Variants in KPNA1 observed in about 807,000 individuals in gnomAD.
The protein encoded by KPNA1 is karyopherin subunit alpha 1, also known as importin subunit alpha-5.
A neutral mutation model predicts 70.5 loss-of-function variants in KPNA1; 10 were observed. That is an observed-to-expected ratio of 0.14 (90% CI 0.09 to 0.24). The LOEUF is 0.24. KPNA1 is among the 10% of genes least tolerant of loss of function. KPNA1 has a pLI of 1.00. For missense variants in KPNA1, 397 were observed against 637.9 expected (o/e 0.62, Z 4.07); for synonymous variants, 192 against 221.9 (o/e 0.87, Z 1.20).
intron 12 of KPNA1, among the ~76,000 whole-genome samples, chr3:122,429,135 C>A (rs1040892814): frequency 6.6e-6 from 1 of 152,092 alleles, no homozygotes; most frequent in Non-Finnish European, 1.5e-5. Context: ...TTAACAAAAT[C>A]TAATACCTAT....
intron 3 of KPNA1, among the ~76,000 whole-genome samples, chr3:122,466,328 T>A (rs2076379937): frequency 6.6e-6 from 1 of 152,108 alleles, no homozygotes; most frequent in Non-Finnish European, 1.5e-5. Flanking sequence ...GTAATACTAG[T>A]TGCCAATGGA....
chr3:122,499,441 A>AT (rs56118558), intron 1 of KPNA1, among the ~76,000 whole-genome samples: 19 of 150,068 alleles, frequency 1.3e-4, no homozygotes, highest in Admixed American at 4.7e-4. Flanking sequence ...TCACAATGTG[A>AT]TTTTTTTTTC....
intron 11 of KPNA1, 117 bp downstream of exon 11, chr3:122,437,053 T>C: frequency 2.0e-6 from 2 of 992,796 alleles, no homozygotes. Context: ...GTGCTGGGAT[T>C]ACAGGCAGGA....
intron 1 of KPNA1, among the ~76,000 whole-genome samples, chr3:122,510,701 T>C (rs1206449064): frequency 5.9e-5 from 9 of 152,158 alleles, no homozygotes; most frequent in African/African-American, 2.2e-4. Flanking sequence ...TGCTATATCA[T>C]GATATAGCAA....
chr3:122,464,980 C>G (rs2076363997), intron 3 of KPNA1, among the ~76,000 whole-genome samples: 1 of 152,146 alleles, frequency 6.6e-6, no homozygotes. Flanking sequence ...ATCAAGGTTT[C>G]TATATGATTT....
In KPNA1 at chr3:122,458,672, AAG is replaced by A. The variant is rs138108015; in HGVS notation, c.432+2550_432+2551del. ...ATTATTCAAGTTCTAGTAAGCAGGT[AAG>A]AGTATCAGGGATAGCTTACATCTGT... is the stretch of plus-strand genomic sequence containing the variant. On this transcript the variant is annotated intron_variant, in intron 5 of 13. Coordinates refer to ENST00000344337, the MANE Select transcript of KPNA1 (RefSeq NM_002264.4). Among the ~76,000 whole-genome samples, 701 of 152,312 alleles carry A rather than the reference AAG, an allele frequency of 4.6e-3. 21 individuals are homozygous for A. The East Asian group carries it at 0.079, about 17-fold the overall frequency.
At chr3:122,489,335 G>A (rs927341909) in intron 2 of KPNA1, among the ~76,000 whole-genome samples, 1 of 151,250 alleles carries the variant, frequency 6.6e-6, no homozygotes, top group Admixed American at 6.6e-5. Flanking sequence ...TGTCACTCAG[G>A]CTGGAGCACA....
chr3:122,512,670 A>G (rs58967267), intron 1 of KPNA1, among the ~76,000 whole-genome samples: 2 of 152,372 alleles, frequency 1.3e-5, no homozygotes, highest in African/African-American at 4.8e-5. Flanking sequence ...GGCTGCAGTA[A>G]GCCGAGATCG....
intron 1 of KPNA1, among the ~76,000 whole-genome samples, chr3:122,514,214 C>A (rs180837020): frequency 6.6e-6 from 1 of 152,086 alleles, no homozygotes; most frequent in Non-Finnish European, 1.5e-5. Flanking sequence ...GCCGTCTCCA[C>A]CCCCCGCTTC....
Position 122,496,485 on chromosome 3 carries a change from C to T in KPNA1, c.81G>A (p.Arg27=). ...GTAACTGCAGTCCTTCTTCCTCCCT[C>T]CTCCTGCGCATCTCATCGGGATTCA... is the stretch of plus-strand genomic sequence containing the variant. ...KSLNPDEMRR[R]REEEGLQLRK... The change falls in exon 2 of 14, where the codon AGG becomes AGA. Residue 27 remains arginine, a synonymous_variant. Coordinates refer to ENST00000344337, the MANE Select transcript of KPNA1 (RefSeq NM_002264.4). 1 of 1,613,972 alleles carries T rather than the reference C, an allele frequency of 6.2e-7. No individual in the cohort carries two copies. Among genetic ancestry groups the T allele is most frequent in the East Asian group, 2.2e-5 (1 of 44,884 alleles).
rs1560010433 is a variant in KPNA1, at chr3:122,425,038, A to G, written c.*1947T>C. ...GCACAAAGCAGCACTAGAAAAAGTA[A>G]CAGTTATAGATGGGAGTTGACTAGT... is the stretch of plus-strand genomic sequence containing the variant. On this transcript the variant is annotated 3_prime_UTR_variant, in exon 14 of 14. Coordinates refer to ENST00000344337, the MANE Select transcript of KPNA1 (RefSeq NM_002264.4). 1 of 152,624 alleles carries G rather than the reference A, an allele frequency of 6.6e-6. No homozygotes were observed. The highest frequency in any genetic ancestry group is 1.9e-4 in the East Asian group (1 of 5,200). The allele number at this position is 152,624 out of a possible 1,614,324, so 9.5% of individuals were successfully genotyped here. A position where few individuals can be genotyped will look rare whatever the true frequency, so the allele number is the denominator to read the frequency against.
At chr3:122,457,602 C>A (rs1476679564) in intron 5 of KPNA1, 17 of 810,830 alleles carry the variant, frequency 2.1e-5, no homozygotes, top group Non-Finnish European at 2.5e-5. Context: ...CTAAATAAGG[C>A]TACACCTGAA....
At chr3:122,446,567 G>C (rs2076141297) in intron 9 of KPNA1, among the ~76,000 whole-genome samples, 1 of 152,204 alleles carries the variant, frequency 6.6e-6, no homozygotes, top group Admixed American at 6.5e-5. Flanking sequence ...ACAAGAGAAA[G>C]CAGGAAAGAT....
At chr3:122,484,427 G>A (rs902676045) in intron 2 of KPNA1, among the ~76,000 whole-genome samples, 5 of 152,224 alleles carry the variant, frequency 3.3e-5, no homozygotes, top group Admixed American at 6.5e-5. Flanking sequence ...TTGGGAGGCC[G>A]AGGCAGGCAG....
At chr3:122,502,040 G>A (rs190300651) in intron 1 of KPNA1, among the ~76,000 whole-genome samples, 2 of 152,310 alleles carry the variant, frequency 1.3e-5, no homozygotes, top group East Asian at 3.9e-4. Context: ...GCAAACCTGG[G>A]TTGAGAATCA....
rs1477931847 is a variant in KPNA1, at chr3:122,514,908, G to C, written c.-157C>G. 1 of 152,280 alleles carries C rather than the reference G, an allele frequency of 6.6e-6. No homozygotes were observed. The highest frequency in any genetic ancestry group is 1.9e-4 in the East Asian group (1 of 5,196). The allele number at this position is 152,280 out of a possible 1,614,324, so 9.4% of individuals were successfully genotyped here. A position where few individuals can be genotyped will look rare whatever the true frequency, so the allele number is the denominator to read the frequency against. The stretch of plus-strand genomic sequence containing the variant: ...GCTCTCCGCCGCCTCGCACCGAGCA[G>C]CGAGACTCAGCTCAGCCGGCGTTCG... On this transcript the variant is annotated 5_prime_UTR_variant, in exon 1 of 14. Coordinates refer to ENST00000344337, the MANE Select transcript of KPNA1 (RefSeq NM_002264.4).
rs1175241803 is a variant in KPNA1 at position 122,459,770 on chromosome 3, C to G, written c.432+1454G>C. The G allele has an allele frequency of 3.0e-6, 3 of 985,304 alleles. No individual in the cohort carries two copies. The African/African-American group carries it at 5.2e-5, about 17-fold the overall frequency. 61.0% of individuals were successfully genotyped at this position (985,304 alleles called of 1,614,324 possible). On this transcript the variant is annotated intron_variant, in intron 5 of 13. Coordinates refer to ENST00000344337, the MANE Select transcript of KPNA1 (RefSeq NM_002264.4). ...AAAACTGATGTGACATTGAAGTACT[C>G]TACCTTTTCTGGATTTCTTGTTTTT...
chr3:122,453,414 G>T (rs2076232718), intron 6 of KPNA1, among the ~76,000 whole-genome samples: 1 of 152,158 alleles, frequency 6.6e-6, no homozygotes, highest in Non-Finnish European at 1.5e-5. Flanking sequence ...TTTCTATTTG[G>T]TTAAGACTAA....
At chr3:122,498,527 A>T (rs1270770436) in intron 1 of KPNA1, among the ~76,000 whole-genome samples, 1 of 152,308 alleles carries the variant, frequency 6.6e-6, no homozygotes, top group South Asian at 2.1e-4. Flanking sequence ...ACGGACCATG[A>T]CAGCACCTTG....
Sources: allele counts gnomAD v4.1 joint callset (sites outside exome capture counted in the v4.1 genomes callset), GRCh38; gene constraint gnomAD v4.1.1; transcripts MANE v1.5; gene names NCBI Gene and HGNC (gene_info 2026-07-23, HGNC 2026-07-21).